Variants in EIF2AK4 observed in about 807,000 individuals in gnomAD.
EIF2AK4 encodes eukaryotic translation initiation factor 2 alpha kinase 4.
EIF2AK4 carries 139 observed loss-of-function variants against 211.1 expected under a neutral mutation model. That is an observed-to-expected ratio of 0.66 (90% confidence interval 0.57 to 0.76). EIF2AK4 has a LOEUF of 0.76. Ranked by LOEUF, EIF2AK4 falls within the 30% of genes least tolerant of loss-of-function variation. The pLI, the probability that EIF2AK4 is intolerant of heterozygous loss-of-function variation, is 0.00. For synonymous variants in EIF2AK4, 710 were observed against 751.3 expected, an observed-to-expected ratio of 0.94 and a Z score of 0.90; for missense variants, 1,664 against 2,043.8, an observed-to-expected ratio of 0.81 and a Z score of 3.58.
At chr15:40,014,407 A>G (rs1231894087) in intron 27 of EIF2AK4, among the ~76,000 whole-genome samples, 2 of 152,224 alleles carry the variant, frequency 1.3e-5, no homozygotes, top group Non-Finnish European at 2.9e-5. Context: ...CCAAACCTCA[A>G]TTCTTGTTTT....
chr15:39,996,841 C>A, intron 18 of EIF2AK4, 123 bp from the exon 19 acceptor site: 1 of 635,440 alleles, frequency 1.6e-6, no homozygotes, highest in Non-Finnish European at 2.8e-6. Flanking sequence ...CGCATTTTTC[C>A]AGTGTGACCT....
intron 18 of EIF2AK4, among the ~76,000 whole-genome samples, chr15:39,993,785 T>C (rs2034983131): frequency 6.6e-6 from 1 of 152,236 alleles, no homozygotes; most frequent in Non-Finnish European, 1.5e-5. Flanking sequence ...GCAAGAGAGT[T>C]CACTCTGGCT....
Position 40,009,697 on chromosome 15 carries a change from C to G in EIF2AK4, c.3660C>G (p.Leu1220=). The part of the protein sequence containing the change: ...LLHCGIPEDK[L]SQVYIILYDA... Reference sequence around the variant, plus strand: ...ACTGTGGGATCCCAGAAGATAAACTCAGTCAAGTCTACATTATTCTGTATG... The same window carrying G: ...ACTGTGGGATCCCAGAAGATAAACTGAGTCAAGTCTACATTATTCTGTATG... The change falls in exon 26 of 39, where the codon CTC becomes CTG. Residue 1220 remains leucine, a synonymous_variant. Transcript: ENST00000263791. 1 of 1,608,400 alleles carries G rather than the reference C, an allele frequency of 6.2e-7. No individual in the cohort carries two copies. Among genetic ancestry groups the G allele is most frequent in the Non-Finnish European group, 8.5e-7 (1 of 1,176,452 alleles).
intron 29 of EIF2AK4, among the ~76,000 whole-genome samples, chr15:40,017,507 A>ATATATATATATATG (rs2035321391): frequency 1.7e-4 from 1 of 5,954 alleles, no homozygotes; most frequent in African/African-American, 6.7e-4. Context: ...GTTTCTATAT[A>ATATATATATATATG]TATATATATA....
chr15:39,974,924 A>C (rs190600421), intron 11 of EIF2AK4: 6 of 152,286 alleles, frequency 3.9e-5, no homozygotes, highest in Non-Finnish European at 8.8e-5. Context: ...TTTTCACTTC[A>C]GTAAATGAAT....
intron 13 of EIF2AK4, among the ~76,000 whole-genome samples, chr15:39,981,154 C>T (rs919741611): frequency 2.0e-5 from 3 of 152,098 alleles, no homozygotes; most frequent in African/African-American, 4.8e-5. Flanking sequence ...GGTGGATCAC[C>T]TGAGGTCAAG....
Position 39,953,950 on chromosome 15 carries a change from A to C in EIF2AK4, c.560A>C (p.Lys187Thr). Reference sequence around the variant, plus strand: ...ATTCAGAGAAGGAAAGAAGAGATAAAAGAAGAGAAAAAAAGGAAAGAAATG... The same window carrying C: ...ATTCAGAGAAGGAAAGAAGAGATAACAGAAGAGAAAAAAAGGAAAGAAATG... ...HEIQRRKEEI[K>T]EEKKRKEMAK... Residue 187 changes from lysine to threonine, a missense_variant, in exon 5 of 39, where the codon AAA becomes ACA. Lys to Thr is a moderately conservative substitution (Grantham distance 78). Around this residue, in one of 7 missense-constraint regions of EIF2AK4, gnomAD observed 641 missense variants for 729.6 expected, o/e 0.88. Coordinates refer to ENST00000263791, the MANE Select transcript of EIF2AK4 (RefSeq NM_001013703.4). 2 of 1,607,960 alleles carry C rather than the reference A, an allele frequency of 1.2e-6. No individual in the cohort carries two copies. Among genetic ancestry groups the C allele is most frequent in the Non-Finnish European group, 1.7e-6 (2 of 1,178,406 alleles).
At chr15:39,934,446 G>A in intron 1 of EIF2AK4, 107 bp downstream of exon 1, 2 of 1,423,776 alleles carry the variant, frequency 1.4e-6, no homozygotes, top group African/African-American at 1.5e-5. Flanking sequence ...GGATCCTGCA[G>A]TCTTTTCATC....
At chr15:40,004,498 C>T (rs2412460) in intron 23 of EIF2AK4, among the ~76,000 whole-genome samples, 79,150 of 151,916 alleles carry the variant, frequency 0.52, 20,924 homozygotes, top group Admixed American at 0.56. Context: ...TGCTTGAGCC[C>T]AGTAGTTCAA....
At chr15:39,942,906 C>T (rs1288476551) in intron 2 of EIF2AK4, among the ~76,000 whole-genome samples, 1 of 152,176 alleles carries the variant, frequency 6.6e-6, no homozygotes, top group African/African-American at 2.4e-5. Flanking sequence ...GAGCGCTTGG[C>T]CTTGCCAGTG....
intron 18 of EIF2AK4, among the ~76,000 whole-genome samples, chr15:39,994,713 C>A (rs2034996153): frequency 6.6e-6 from 1 of 152,134 alleles, no homozygotes; most frequent in South Asian, 2.1e-4. Flanking sequence ...TTGGTTCTGA[C>A]AGGGAGCATT....
intron 29 of EIF2AK4, among the ~76,000 whole-genome samples, chr15:40,017,551 A>ATATATG (rs71132134): frequency 1.0e-3 from 91 of 86,818 alleles, no homozygotes; most frequent in Non-Finnish European, 1.5e-3. Flanking sequence ...ATATATATAT[A>ATATATG]TATGTATTTT....
At chr15:40,018,643 A>C (rs1330823052) in intron 29 of EIF2AK4, among the ~76,000 whole-genome samples, 3 of 152,202 alleles carry the variant, frequency 2.0e-5, no homozygotes, top group Non-Finnish European at 2.9e-5. Context: ...ATTATTTAGT[A>C]ACATTAAGTA....
intron 26 of EIF2AK4, 60 bp from the exon 27 acceptor site, chr15:40,011,221 T>A: frequency 7.2e-7 from 1 of 1,398,602 alleles, no homozygotes; most frequent in Non-Finnish European, 1.0e-6. Context: ...GCCTGGAAAT[T>A]GTGTCTTGTT....
chr15:40,006,759 AAAAC>A (rs1263621768), intron 23 of EIF2AK4, among the ~76,000 whole-genome samples: 1 of 152,244 alleles, frequency 6.6e-6, no homozygotes, highest in African/African-American at 2.4e-5. Context: ...AATTTTAAAA[AAAAC>A]CTAAGAAATG....
chr15:39,998,794 T>A lies in EIF2AK4; in HGVS notation c.2922+10T>A. The A allele has an allele frequency of 5.6e-6, 9 of 1,609,222 alleles. No homozygotes were observed. The highest frequency in any genetic ancestry group is 7.6e-6 in the Non-Finnish European group (9 of 1,176,770). The stretch of plus-strand genomic sequence containing the variant: ...AGAGCATGCAAAGCAGGTAATTTTC[T>A]GATGCGTCAATTACTATGTCTTCAG... On this transcript the variant is annotated intron_variant, in intron 20 of 38. Transcript: ENST00000263791.
At position 40,022,612 on chromosome 15, in the gene EIF2AK4, A is replaced by G. The variant is rs1421641881; in HGVS notation, c.4389+7A>G. ...AGAAGGAAGCCATGTCAAGGTAAAG[A>G]CGTCAGAGATTTTTTACAATTCAAT... On this transcript the variant is annotated splice_region_variant and intron_variant, in intron 32 of 38. Coordinates refer to ENST00000263791, the MANE Select transcript of EIF2AK4 (RefSeq NM_001013703.4). The G allele has an allele frequency of 6.2e-7, 1 of 1,613,654 alleles. No homozygotes were observed. The highest frequency in any genetic ancestry group is 1.3e-5 in the African/African-American group (1 of 74,916).
chr15:39,964,569 C>G (rs1391341304), intron 7 of EIF2AK4, among the ~76,000 whole-genome samples: 1 of 151,928 alleles, frequency 6.6e-6, no homozygotes, highest in Non-Finnish European at 1.5e-5. Flanking sequence ...TCCAAAATGT[C>G]ATAGTGTCAA....
chr15:40,020,227 T>C (rs1363973750), intron 30 of EIF2AK4, among the ~76,000 whole-genome samples: 1 of 150,396 alleles, frequency 6.6e-6, no homozygotes, highest in East Asian at 1.9e-4. Flanking sequence ...AAGCTAGAAA[T>C]AGCTTTTTTT....
Sources: gnomAD v4.1 joint callset for allele counts (sites outside exome capture counted in the v4.1 genomes callset) on GRCh38, gnomAD v4.1.1 for gene constraint, gnomAD v4.1.1 regional missense constraint, MANE v1.5 for transcripts, NCBI Gene and HGNC (gene_info 2026-07-23, HGNC 2026-07-21) for gene names.